The following TENM2 variants were observed in gnomAD, a reference collection of about 807,000 sequenced individuals.
The protein encoded by TENM2 is teneurin transmembrane protein 2, also known as teneurin-2.
Under a neutral mutation model 245.2 loss-of-function variants are expected in TENM2, and 52 were observed. The observed-to-expected ratio is 0.21, with a 90% CI of 0.17 to 0.27. The LOEUF (loss-of-function observed/expected upper bound fraction) is 0.27. Among genes scored for constraint, TENM2 ranks in the 10% least tolerant of loss-of-function variants. The pLI, the probability that TENM2 is intolerant of heterozygous loss-of-function variation, is 1.00. For missense variants in TENM2, 3,046 were observed against 3,666.8 expected (o/e 0.83, Z 4.37); for synonymous variants, 1,363 against 1,438.9 (o/e 0.95, Z 1.19).
chr5:167,446,703 G>T (rs902626495), intron 2 of TENM2, among the ~76,000 whole-genome samples: 6 of 151,722 alleles, frequency 4.0e-5, no homozygotes, highest in African/African-American at 1.2e-4. Flanking sequence ...CTTTTTTGGG[G>T]GGGGGGATTT....
the TENM2 span, among the ~76,000 whole-genome samples, chr5:167,250,990 C>T: frequency 6.6e-6 from 1 of 152,042 alleles, no homozygotes. Context: ...TTGCTTCTCT[C>T]TTTTGAGAAA....
At chr5:168,011,070 A>G (rs929961210) in intron 5 of TENM2, among the ~76,000 whole-genome samples, 1 of 152,242 alleles carries the variant, frequency 6.6e-6, no homozygotes, top group Non-Finnish European at 1.5e-5. Context: ...GAAATAGTCC[A>G]AATATTATCA....
intron 2 of TENM2, among the ~76,000 whole-genome samples, chr5:167,547,893 C>T (rs1454556777): frequency 6.6e-6 from 1 of 152,218 alleles, no homozygotes; most frequent in Non-Finnish European, 1.5e-5. Flanking sequence ...AATAAGAACA[C>T]ATTGGCATCT....
Position 167,565,944 on chromosome 5 carries a change from T to TTTG in TENM2, c.502+190483_502+190485dup, listed in dbSNP as rs570217740. On this transcript the variant is annotated intron_variant, in intron 2 of 28. Coordinates refer to ENST00000518659, the Ensembl canonical transcript of TENM2. ...AATCACTGGAAAAGTGGTTTGTTTG[T>TTTG]TTGTTGTTGTTGTTTAAGCCCCTTA... Among the ~76,000 whole-genome samples the TTTG allele has an allele frequency of 5.6e-3, 849 of 152,242 alleles. 9 individuals are homozygous for TTTG. The highest frequency in any genetic ancestry group is 0.02 in the African/African-American group (814 of 41,554).
chr5:168,068,375 T>C lies in TENM2; in HGVS notation c.1515+6110T>C, dbSNP rs998141073. ...CTTGGAGGTGCTGTAATTCAGGAGT[T>C]TGCAAACTTTCTAAGCAAAGGACCT... On this transcript the variant is annotated intron_variant, in intron 7 of 28. Coordinates refer to ENST00000518659, the Ensembl canonical transcript of TENM2. Among the ~76,000 whole-genome samples, 5 of 152,232 alleles carry C rather than the reference T, an allele frequency of 3.3e-5. 1 individual carries two copies. Among genetic ancestry groups the C allele is most frequent in the African/African-American group, 1.2e-4 (5 of 41,546 alleles).
chr5:167,506,042 T>G (rs983139343), intron 2 of TENM2, among the ~76,000 whole-genome samples: 1 of 152,036 alleles, frequency 6.6e-6, no homozygotes, highest in Non-Finnish European at 1.5e-5. Flanking sequence ...TTATTTCAAC[T>G]CAGGCATAAA....
the TENM2 span, among the ~76,000 whole-genome samples, chr5:167,160,619 T>C: frequency 6.6e-6 from 1 of 152,254 alleles, no homozygotes; most frequent in Non-Finnish European, 1.5e-5. Context: ...TGTCACTTCC[T>C]CAGAGAACTT....
intron 12 of TENM2, among the ~76,000 whole-genome samples, chr5:168,131,201 A>G (rs1237584493): frequency 2.6e-5 from 4 of 152,228 alleles, no homozygotes; most frequent in Non-Finnish European, 2.9e-5. Context: ...TCCGAATAAT[A>G]CAAACTAACC....
At chr5:167,675,501 G>T (rs115331208) in intron 2 of TENM2, among the ~76,000 whole-genome samples, 2,177 of 152,152 alleles carry the variant, frequency 0.014, 47 homozygotes, top group African/African-American at 0.05. Context: ...CTATGTTCAC[G>T]TGTCACCAGG....
intron 9 of TENM2, among the ~76,000 whole-genome samples, chr5:168,110,728 G>A (rs1486536932): frequency 6.6e-6 from 1 of 152,114 alleles, no homozygotes; most frequent in African/African-American, 2.4e-5. Flanking sequence ...CTGCAGAAAA[G>A]CTTACTGTGT....
At chr5:168,057,638 C>G (rs955171716) in intron 6 of TENM2, among the ~76,000 whole-genome samples, 2 of 152,222 alleles carry the variant, frequency 1.3e-5, no homozygotes, top group South Asian at 4.1e-4. Flanking sequence ...GATTTTCTCA[C>G]CATATCACAC....
At chr5:168,034,557 C>A (rs1479714620) in intron 5 of TENM2, among the ~76,000 whole-genome samples, 2 of 150,770 alleles carry the variant, frequency 1.3e-5, no homozygotes, top group African/African-American at 4.9e-5. Context: ...ATAGTGAGAC[C>A]CCCCACCCCC....
chr5:166,979,194 C>CCAGCAGCAGCAGCAGCAGCAGCAGCAG, the TENM2 span, among the ~76,000 whole-genome samples: 209 of 142,132 alleles, frequency 1.5e-3, 2 homozygotes, highest in Middle Eastern at 0.015. Flanking sequence ...AGCACCACCA[C>CCAGCAGCAGCAGCAGCAGCAGCAGCAG]CAGCAGCAGC....
At chr5:168,101,984 A>G (rs2152287697) in intron 9 of TENM2, among the ~76,000 whole-genome samples, 1 of 152,338 alleles carries the variant, frequency 6.6e-6, no homozygotes, top group Non-Finnish European at 1.5e-5. Flanking sequence ...TTCATGGGAC[A>G]GAAGTATTAT....
chr5:168,020,337 G>A (rs552117503), intron 5 of TENM2, among the ~76,000 whole-genome samples: 1 of 152,322 alleles, frequency 6.6e-6, no homozygotes, highest in South Asian at 2.1e-4. Flanking sequence ...TCAAGCGAAG[G>A]TCTTGGAATA....
intron 4 of TENM2, among the ~76,000 whole-genome samples, chr5:167,988,324 C>T (rs1329505289): frequency 6.6e-6 from 1 of 152,166 alleles, no homozygotes; most frequent in Non-Finnish European, 1.5e-5. Context: ...AAGCCAGGCT[C>T]TATTTTAGGT....
At position 168,218,776 on chromosome 5, in the gene TENM2, A is replaced by G; in HGVS notation, c.4885A>G (p.Ile1629Val). The G allele has an allele frequency of 6.2e-7, 1 of 1,613,996 alleles. No homozygotes were observed. The highest frequency in any genetic ancestry group is 1.1e-5 in the South Asian group (1 of 91,072). Residue 1629 changes from isoleucine (I) to valine (V), a missense_variant, in exon 23 of 29, where the codon ATT becomes GTT. By Grantham distance (29) the Ile-to-Val change is conservative. Around this residue, in one of 2 missense-constraint regions of TENM2, gnomAD observed 2,704 missense variants for 3,331.9 expected, o/e 0.81. Transcript: ENST00000518659. This position sits in a 1 kb window ranked among gnomAD's most constrained non-coding sequence, Gnocchi z 5.2. ...TACTGACAATGATGTCACTGAATTG[A>G]TTGACAATAATGGGAATTCCCTGAA...
intron 2 of TENM2, among the ~76,000 whole-genome samples, chr5:167,468,545 G>C (rs1032260771): frequency 6.6e-6 from 1 of 152,118 alleles, no homozygotes; most frequent in Non-Finnish European, 1.5e-5. Flanking sequence ...GTGCCTATGA[G>C]GGCATCATTA....
chr5:167,279,937 T>A (rs1035902982), upstream of TENM2, among the ~76,000 whole-genome samples: 6 of 152,182 alleles, frequency 3.9e-5, no homozygotes, highest in South Asian at 8.3e-4. Flanking sequence ...AAGAACTTCC[T>A]GGATTTTGGT....
Sources: gnomAD v4.1 joint callset for allele counts (sites outside exome capture counted in the v4.1 genomes callset) on GRCh38, gnomAD v4.1.1 for gene constraint, gnomAD v4.1.1 regional missense constraint, Gnocchi (gnomAD v3.1) non-coding constraint, MANE v1.5 for transcripts, NCBI Gene and HGNC (gene_info 2026-07-23, HGNC 2026-07-21) for gene names.